The following ABLIM1 variants were observed in gnomAD, a reference collection of about 807,000 sequenced individuals.
ABLIM1 encodes actin-binding LIM protein 1.
A neutral mutation model predicts 107.0 loss-of-function variants in ABLIM1; 40 were observed. That is an observed-to-expected ratio of 0.37 (90% CI 0.29 to 0.49). ABLIM1 has a LOEUF of 0.49. Ranked by LOEUF, ABLIM1 falls within the 20% of genes least tolerant of loss-of-function variation. ABLIM1 has a pLI of 0.97. For synonymous variants in ABLIM1, 357 were observed against 357.3 expected (o/e 1.00, Z 0.01); for missense variants, 857 against 1,008.5 (o/e 0.85, Z 2.04).
At chr10:114,442,686 T>C (rs2060367207) in intron 17 of ABLIM1, among the ~76,000 whole-genome samples, 1 of 152,214 alleles carries the variant, frequency 6.6e-6, no homozygotes, top group Non-Finnish European at 1.5e-5. Context: ...CGTATCACGC[T>C]GGGTATGTTA....
chr10:114,735,865 T>C (rs1566287318), intron 1 of ABLIM1, among the ~76,000 whole-genome samples: 1 of 152,200 alleles, frequency 6.6e-6, no homozygotes, highest in Non-Finnish European at 1.5e-5. Context: ...AGGAATACAA[T>C]AGTCAAAGAA....
At chr10:114,468,125 G>T in intron 11 of ABLIM1, 56 bp downstream of exon 11, 4 of 1,485,608 alleles carry the variant, frequency 2.7e-6, no homozygotes, top group Non-Finnish European at 2.8e-6. Flanking sequence ...TCTAGGGAAG[G>T]GCCAAGCAAT....
chr10:114,663,447 T>C (rs2079878170), intron 1 of ABLIM1, among the ~76,000 whole-genome samples: 1 of 152,238 alleles, frequency 6.6e-6, no homozygotes, highest in African/African-American at 2.4e-5. Flanking sequence ...CAATGCCTTG[T>C]AAATAACATT....
At chr10:114,491,736 A>C in intron 7 of ABLIM1, 55 bp downstream of exon 7, 1 of 1,487,798 alleles carries the variant, frequency 6.7e-7, no homozygotes, top group Non-Finnish European at 9.3e-7. Context: ...CAAACATAGC[A>C]AGATTTCCTT....
At chr10:114,782,094 C>T in the ABLIM1 span, among the ~76,000 whole-genome samples, 1 of 151,996 alleles carries the variant, frequency 6.6e-6, no homozygotes, top group African/African-American at 2.4e-5. Context: ...GTGAGAATAT[C>T]CTGAGCTTTA....
At chr10:114,724,796 G>A (rs142788826) in intron 1 of ABLIM1, among the ~76,000 whole-genome samples, 4 of 152,100 alleles carry the variant, frequency 2.6e-5, no homozygotes, top group Non-Finnish European at 5.9e-5. Flanking sequence ...AAGGCTATGA[G>A]GCCAGGGGAC....
intron 2 of ABLIM1, 133 bp from the exon 3 acceptor site, chr10:114,575,732 G>T: frequency 1.1e-6 from 1 of 923,462 alleles, no homozygotes; most frequent in Non-Finnish European, 1.6e-6. Flanking sequence ...TGGCTACAAA[G>T]AGCTATTTAT....
intron 1 of ABLIM1, chr10:114,690,580 A>G: frequency 1.0e-6 from 1 of 962,300 alleles, no homozygotes; most frequent in African/African-American, 1.6e-5. Context: ...AGCTCAAAGG[A>G]GATGCAGCCC....
At chr10:114,523,284 C>T (rs371606259) in intron 6 of ABLIM1, among the ~76,000 whole-genome samples, 48 of 152,256 alleles carry the variant, frequency 3.2e-4, no homozygotes, top group African/African-American at 9.9e-4. Context: ...TGGAAACTTC[C>T]AATTTCAAGA....
chr10:114,623,576 A>G (rs2077603229), intron 1 of ABLIM1, among the ~76,000 whole-genome samples: 1 of 152,174 alleles, frequency 6.6e-6, no homozygotes, highest in Non-Finnish European at 1.5e-5. Flanking sequence ...CATTTTACCC[A>G]CAGAAACGAC....
At chr10:114,758,361 A>C (rs912877221) in intron 1 of ABLIM1, among the ~76,000 whole-genome samples, 4 of 152,194 alleles carry the variant, frequency 2.6e-5, no homozygotes, top group African/African-American at 9.7e-5. Context: ...AGTAGTCACA[A>C]GGAACTGGTG....
At chr10:114,685,343 A>G (rs1252370735), upstream of ABLIM1, among the ~76,000 whole-genome samples, 3 of 152,312 alleles carry the variant, frequency 2.0e-5, no homozygotes, top group East Asian at 3.9e-4. Flanking sequence ...AATTCCTCCA[A>G]TAAAGATGTA....
At chr10:114,734,103 G>A (rs138685819) in intron 1 of ABLIM1, among the ~76,000 whole-genome samples, 3 of 152,042 alleles carry the variant, frequency 2.0e-5, no homozygotes, top group Admixed American at 1.3e-4. Flanking sequence ...CAGGTGATCC[G>A]CCCACCTCAG....
Position 114,730,510 on chromosome 10 carries a change from T to C in ABLIM1, c.-213+37551A>G, listed in dbSNP as rs114215860. 8.9e-3 allele frequency among the ~76,000 whole-genome samples: 1,346 copies of C among 152,032 alleles called. 21 individuals are homozygous for C. The highest frequency in any genetic ancestry group is 0.028 in the African/African-American group (1,178 of 41,414). ...TGGACTTAATGAAACTATTGATGGATTATGTAACTGATCCCTAAATTACAC... is the reference window on the plus strand; with the variant it reads ...TGGACTTAATGAAACTATTGATGGACTATGTAACTGATCCCTAAATTACAC... On this transcript the variant is annotated intron_variant, in intron 1 of 15. Coordinates refer to the ABLIM1 transcript ENST00000651092.
rs112039063 is a variant in ABLIM1 at position 114,438,645 on chromosome 10, G to C, written c.2142+531C>G. ...CAATCTTGTCCCATGACTAGCTCATGAATCTATGGGGCCAGGCAGGCCCAG... is the reference window on the plus strand; with the variant it reads ...CAATCTTGTCCCATGACTAGCTCATCAATCTATGGGGCCAGGCAGGCCCAG... On this transcript the variant is annotated intron_variant, in intron 21 of 22. Coordinates refer to ENST00000533213, the MANE Select transcript of ABLIM1 (RefSeq NM_002313.7). Among the ~76,000 whole-genome samples the C allele has an allele frequency of 9.7e-3, 1,471 of 152,320 alleles. 25 individuals carry two copies. Among genetic ancestry groups the C allele is most frequent in the African/African-American group, 0.034 (1,409 of 41,568 alleles).
At chr10:114,743,834 T>G (rs1023080911) in intron 1 of ABLIM1, among the ~76,000 whole-genome samples, 7 of 152,156 alleles carry the variant, frequency 4.6e-5, no homozygotes, top group African/African-American at 1.4e-4. Flanking sequence ...GAACAAGGTC[T>G]AACCTTCATA....
At chr10:114,749,450 C>CCACACACACACACACACA (rs151201319) in intron 1 of ABLIM1, among the ~76,000 whole-genome samples, 70 of 141,600 alleles carry the variant, frequency 4.9e-4, no homozygotes, top group African/African-American at 1.6e-3. Context: ...AACACACACA[C>CCACACACACACACACACA]CACACACACA....
rs1285244606 is a variant in ABLIM1 at position 114,434,142 on chromosome 10, C to T, written c.*2118G>A. On this transcript the variant is annotated 3_prime_UTR_variant, in exon 23 of 23. Coordinates refer to ENST00000533213, the MANE Select transcript of ABLIM1 (RefSeq NM_002313.7). ...CAGAGAGAGGATGGGATAGAAAAAG[C>T]ATGGAATAAGCAAGAAGCCACTGAG... 1 of 152,270 alleles carries T rather than the reference C, an allele frequency of 6.6e-6. No homozygotes were observed. The highest frequency in any genetic ancestry group is 2.4e-5 in the African/African-American group (1 of 41,452). The allele number at this position is 152,270 out of a possible 1,614,324, so 9.4% of individuals were successfully genotyped here. A position where few individuals can be genotyped will look rare whatever the true frequency, so the allele number is the denominator to read the frequency against.
intron 7 of ABLIM1, among the ~76,000 whole-genome samples, chr10:114,488,890 C>A (rs1431382580): frequency 6.6e-6 from 1 of 152,122 alleles, no homozygotes; most frequent in Non-Finnish European, 1.5e-5. Context: ...TGGGGATGGA[C>A]AGAACTTAAA....
Sources: allele counts gnomAD v4.1 joint callset (sites outside exome capture counted in the v4.1 genomes callset), GRCh38; gene constraint gnomAD v4.1.1; transcripts MANE v1.5; gene names NCBI Gene and HGNC (gene_info 2026-07-23, HGNC 2026-07-21).